The following MEIKIN variants were observed in gnomAD, a reference collection of about 807,000 sequenced individuals.
MEIKIN encodes the protein meiosis-specific kinetochore protein.
intron 7 of MEIKIN, among the ~76,000 whole-genome samples, chr5:131,912,595 C>T (rs1202189197): frequency 1.3e-5 from 2 of 152,108 alleles, no homozygotes; most frequent in Non-Finnish European, 2.9e-5. Context: ...TAAATTCCTA[C>T]ACTGATTAAT....
chr5:131,845,966 AC>A (rs888056218), intron 11 of MEIKIN, among the ~76,000 whole-genome samples: 18 of 152,344 alleles, frequency 1.2e-4, no homozygotes, highest in Admixed American at 1.0e-3. Context: ...GAACTGAAAG[AC>A]ACCCACACTT....
intron 6 of MEIKIN, among the ~76,000 whole-genome samples, chr5:131,920,775 C>A (rs562033357): frequency 2.8e-4 from 43 of 151,850 alleles, no homozygotes; most frequent in Non-Finnish European, 4.4e-4. Flanking sequence ...CTCACTGTAG[C>A]CTTGACCTCC....
chr5:131,900,106 T>C (rs1158017183), intron 8 of MEIKIN, among the ~76,000 whole-genome samples: 1 of 152,106 alleles, frequency 6.6e-6, no homozygotes, highest in Admixed American at 6.5e-5. Context: ...TCTTAAAACA[T>C]TCCAAAAAAC....
At chr5:131,842,560 G>A (rs1749933882) in intron 11 of MEIKIN, among the ~76,000 whole-genome samples, 2 of 151,480 alleles carry the variant, frequency 1.3e-5, no homozygotes, top group South Asian at 2.1e-4. Flanking sequence ...ATGATAATAC[G>A]TTTTTTCTTC....
chr5:131,912,353 G>A (rs536491838), intron 7 of MEIKIN, among the ~76,000 whole-genome samples: 4 of 151,690 alleles, frequency 2.6e-5, no homozygotes, highest in Admixed American at 2.6e-4. Flanking sequence ...TGTTACCCAG[G>A]CTAGACTGCA....
chr5:131,874,755 T>G (rs1204586141), intron 9 of MEIKIN, among the ~76,000 whole-genome samples: 1 of 152,224 alleles, frequency 6.6e-6, no homozygotes, highest in Admixed American at 6.5e-5. Context: ...AATAAAATAC[T>G]GGCAAACTGA....
intron 9 of MEIKIN, among the ~76,000 whole-genome samples, chr5:131,860,520 A>C (rs1192457721): frequency 2.0e-5 from 3 of 150,254 alleles, no homozygotes; most frequent in Non-Finnish European, 4.4e-5. Context: ...ATCTCGGCTG[A>C]CTGCAACCTC....
At chr5:131,809,002 A>G (rs574215838) in intron 12 of MEIKIN, among the ~76,000 whole-genome samples, 1 of 152,296 alleles carries the variant, frequency 6.6e-6, no homozygotes, top group South Asian at 2.1e-4. Flanking sequence ...GGTCGAGGCT[A>G]CAGTGAGCTG....
chr5:131,890,608 T>G (rs1300205663), intron 8 of MEIKIN, among the ~76,000 whole-genome samples: 1 of 152,200 alleles, frequency 6.6e-6, no homozygotes, highest in Non-Finnish European at 1.5e-5. Flanking sequence ...CTTCTCTCTT[T>G]TCTTCTTTAT....
At position 131,824,571 on chromosome 5, in the gene MEIKIN, G is replaced by A. The variant is rs369345300; in HGVS notation, c.976-5708C>T. On this transcript the variant is annotated intron_variant, in intron 11 of 12. Transcript: ENST00000442687. ...AAACAATAACCAGGAATGGAAAGAA[G>A]ATTTGAAAAAGAACCAGAATTTCTT... 6.6e-4 allele frequency among the ~76,000 whole-genome samples: 101 copies of A among 152,110 alleles called. 1 individual carries two copies. The highest frequency in any genetic ancestry group is 2.2e-3 in the African/African-American group (93 of 41,510).
intron 8 of MEIKIN, among the ~76,000 whole-genome samples, chr5:131,895,845 A>T (rs969268660): frequency 7.2e-5 from 11 of 152,110 alleles, no homozygotes; most frequent in African/African-American, 2.7e-4. Flanking sequence ...CAGCACCTGG[A>T]TTCACTGATT....
intron 6 of MEIKIN, among the ~76,000 whole-genome samples, chr5:131,918,447 A>G (rs1751449714): frequency 6.6e-6 from 1 of 152,242 alleles, no homozygotes; most frequent in Admixed American, 6.5e-5. Flanking sequence ...CAAACTAAAC[A>G]TAACACAGAA....
intron 4 of MEIKIN, among the ~76,000 whole-genome samples, chr5:131,936,996 T>C (rs1420263220): frequency 6.6e-6 from 1 of 152,212 alleles, no homozygotes; most frequent in African/African-American, 2.4e-5. Flanking sequence ...TAAAAAAGTA[T>C]AGCTATTGGA....
chr5:131,932,995 A>G (rs951483263), intron 5 of MEIKIN, among the ~76,000 whole-genome samples: 3 of 152,032 alleles, frequency 2.0e-5, no homozygotes, highest in African/African-American at 7.3e-5. Flanking sequence ...CTTTGTCCTT[A>G]TGAGCGTATT....
At chr5:131,903,729 C>T (rs958433401) in intron 8 of MEIKIN, among the ~76,000 whole-genome samples, 1 of 152,068 alleles carries the variant, frequency 6.6e-6, no homozygotes, top group Non-Finnish European at 1.5e-5. Flanking sequence ...ACCACACAAA[C>T]AAGTATGCAT....
At chr5:131,924,331 G>A (rs1171488994) in intron 5 of MEIKIN, among the ~76,000 whole-genome samples, 1 of 151,982 alleles carries the variant, frequency 6.6e-6, no homozygotes. Context: ...TAATTATTTT[G>A]GATATTCACA....
intron 9 of MEIKIN, among the ~76,000 whole-genome samples, chr5:131,872,661 C>T (rs1349300912): frequency 6.6e-6 from 1 of 152,180 alleles, no homozygotes; most frequent in Non-Finnish European, 1.5e-5. Flanking sequence ...CACAAAGATA[C>T]TCCTCGAGAA....
At chr5:131,823,416 G>A (rs1749556110) in intron 11 of MEIKIN, among the ~76,000 whole-genome samples, 1 of 151,570 alleles carries the variant, frequency 6.6e-6, no homozygotes, top group South Asian at 2.1e-4. Flanking sequence ...TTTTCAAATA[G>A]CCAGTCTTAA....
At chr5:131,892,318 C>T (rs906807580) in intron 8 of MEIKIN, among the ~76,000 whole-genome samples, 8 of 152,218 alleles carry the variant, frequency 5.3e-5, no homozygotes, top group Non-Finnish European at 8.8e-5. Context: ...TGTTTTCCAG[C>T]TTGGTTCCAT....
Sources: gnomAD v4.1 joint callset for allele counts (sites outside exome capture counted in the v4.1 genomes callset) on GRCh38, gnomAD v4.1.1 for gene constraint, MANE v1.5 for transcripts, NCBI Gene and HGNC (gene_info 2026-07-23, HGNC 2026-07-21) for gene names.